The following CNTNAP2 variants were observed in gnomAD, a reference collection of about 807,000 sequenced individuals.
CNTNAP2 encodes the protein contactin associated protein 2.
CNTNAP2 carries 98 observed loss-of-function variants against 155.2 expected under a neutral mutation model. The observed-to-expected ratio is 0.63, with a 90% CI of 0.54 to 0.75. The LOEUF is 0.75. Among genes scored for constraint, CNTNAP2 ranks in the 30% least tolerant of loss-of-function variants. The probability of loss-of-function intolerance (pLI) is 0.00; values close to 1 mark genes in which losing one functional copy is unlikely to be tolerated. For missense variants in CNTNAP2, 1,727 were observed against 1,688.1 expected (o/e 1.02, Z -0.40); for synonymous variants, 651 against 631.2 (o/e 1.03, Z -0.47).
At chr7:148,362,216 AC>A (rs1323308005) in intron 21 of CNTNAP2, among the ~76,000 whole-genome samples, 1 of 150,058 alleles carries the variant, frequency 6.7e-6, no homozygotes, top group African/African-American at 2.4e-5. Context: ...AAAACAAAAA[AC>A]AAAACCCATC....
At chr7:147,191,731 G>A (rs1478444954) in intron 8 of CNTNAP2, among the ~76,000 whole-genome samples, 1 of 151,942 alleles carries the variant, frequency 6.6e-6, no homozygotes, top group Non-Finnish European at 1.5e-5. Flanking sequence ...TTTGCTTTTA[G>A]ATTTCTAATC....
chr7:147,693,875 C>G (rs568366797), intron 13 of CNTNAP2, among the ~76,000 whole-genome samples: 11 of 152,052 alleles, frequency 7.2e-5, no homozygotes, highest in African/African-American at 2.6e-4. Flanking sequence ...ACTTTCAGTA[C>G]AGTATTGAAA....
Position 147,132,301 on chromosome 7 carries a change from T to C in CNTNAP2, c.1140T>C (p.Ala380=), listed in dbSNP as rs141439475. 9 of 1,613,680 alleles carry C rather than the reference T, an allele frequency of 5.6e-6. No individual in the cohort carries two copies. The Admixed American group carries it at 1.5e-4, about 27-fold the overall frequency. Residue 380 remains alanine, a synonymous_variant, in exon 8 of 24, where the codon GCT becomes GCC. Coordinates refer to ENST00000361727, the MANE Select transcript of CNTNAP2 (RefSeq NM_014141.6). ...EPYTVPVFFN[A]TSYLEVPGRL... ...ATACGGTGCCTGTCTTTTTCAACGC[T>C]ACAAGTTACCTGGAGGTGCCCGGAC...
intron 1 of CNTNAP2, among the ~76,000 whole-genome samples, chr7:146,214,728 A>C (rs1042853735): frequency 1.3e-5 from 2 of 152,188 alleles, no homozygotes; most frequent in African/African-American, 4.8e-5. Context: ...GGATTGTTGT[A>C]AAGTTCAGAG....
At chr7:148,026,446 G>T (rs368408432) in intron 15 of CNTNAP2, among the ~76,000 whole-genome samples, 1 of 151,950 alleles carries the variant, frequency 6.6e-6, no homozygotes, top group Non-Finnish European at 1.5e-5. Context: ...ACAAGACCCC[G>T]TCTCAAAAAT....
chr7:146,416,452 G>A (rs1052442614), intron 1 of CNTNAP2, among the ~76,000 whole-genome samples: 4 of 152,052 alleles, frequency 2.6e-5, no homozygotes, highest in African/African-American at 9.7e-5. Flanking sequence ...GCAGACATGT[G>A]ATCAGCATGG....
chr7:147,257,648 T>A (rs1442253008), intron 8 of CNTNAP2, among the ~76,000 whole-genome samples: 1 of 152,246 alleles, frequency 6.6e-6, no homozygotes, highest in Non-Finnish European at 1.5e-5. Context: ...CAAGTACAAT[T>A]TATTTTTTAA....
chr7:147,718,207 G>C (rs951136036), intron 13 of CNTNAP2, among the ~76,000 whole-genome samples: 1 of 152,056 alleles, frequency 6.6e-6, no homozygotes, highest in Non-Finnish European at 1.5e-5. Context: ...ATGGAATGCT[G>C]CCTCAAATAC....
chr7:147,125,559 C>T (rs1801215570), intron 6 of CNTNAP2, among the ~76,000 whole-genome samples: 1 of 152,186 alleles, frequency 6.6e-6, no homozygotes, highest in African/African-American at 2.4e-5. Flanking sequence ...CTTCAGAGGA[C>T]ACCCACTGTG....
intron 3 of CNTNAP2, among the ~76,000 whole-genome samples, chr7:147,037,005 C>T (rs923865327): frequency 5.9e-5 from 9 of 152,020 alleles, no homozygotes; most frequent in Admixed American, 1.3e-4. Flanking sequence ...ATTCTTCTTT[C>T]CTTTTAGGAA....
At position 147,172,073 on chromosome 7, in the gene CNTNAP2, C is replaced by A. The variant is rs566069717; in HGVS notation, c.1348+39564C>A. Among the ~76,000 whole-genome samples, 45 of 152,264 alleles carry A rather than the reference C, an allele frequency of 3.0e-4. 1 individual carries two copies. The highest frequency in any genetic ancestry group is 1.0e-3 in the African/African-American group (42 of 41,538). On this transcript the variant is annotated intron_variant, in intron 8 of 23. Transcript: ENST00000361727. ...GATATGATCTTCACTAATACTGGTT[C>A]ATTGTAATTTCCACTTTTATTACCT...
At chr7:147,913,799 G>T (rs1800110065) in intron 14 of CNTNAP2, among the ~76,000 whole-genome samples, 1 of 152,176 alleles carries the variant, frequency 6.6e-6, no homozygotes, top group Non-Finnish European at 1.5e-5. Flanking sequence ...TGTCTCCAGA[G>T]ATGATGTGAG....
At chr7:147,943,841 A>G (rs1800772856) in intron 14 of CNTNAP2, among the ~76,000 whole-genome samples, 1 of 147,660 alleles carries the variant, frequency 6.8e-6, no homozygotes, top group Admixed American at 6.9e-5. Flanking sequence ...GAGTCTGCTT[A>G]CTCTTACAAG....
chr7:147,543,073 G>C (rs1799667605), intron 11 of CNTNAP2, among the ~76,000 whole-genome samples: 1 of 152,184 alleles, frequency 6.6e-6, no homozygotes, highest in Non-Finnish European at 1.5e-5. Flanking sequence ...GGGTCTCACA[G>C]CCTTCAGAGC....
chr7:146,430,480 C>A (rs879501582), intron 1 of CNTNAP2, among the ~76,000 whole-genome samples: 1 of 152,014 alleles, frequency 6.6e-6, no homozygotes, highest in East Asian at 1.9e-4. Context: ...CAGAAGTAGA[C>A]AGGATATGAA....
At chr7:146,427,510 C>T (rs1796110312) in intron 1 of CNTNAP2, among the ~76,000 whole-genome samples, 1 of 152,018 alleles carries the variant, frequency 6.6e-6, no homozygotes, top group African/African-American at 2.4e-5. Flanking sequence ...CATTAAGAAA[C>T]ATAAAAAGCA....
At chr7:147,072,958 T>C (rs899601827) in intron 4 of CNTNAP2, among the ~76,000 whole-genome samples, 8 of 149,032 alleles carry the variant, frequency 5.4e-5, no homozygotes, top group African/African-American at 1.7e-4. Flanking sequence ...GTTCACACCA[T>C]TCTCCTGCCT....
At chr7:148,371,674 C>T (rs980717923) in intron 21 of CNTNAP2, among the ~76,000 whole-genome samples, 8 of 152,144 alleles carry the variant, frequency 5.3e-5, no homozygotes, top group African/African-American at 1.9e-4. Context: ...GACAGGGATA[C>T]GTTCTGAGAA....
At chr7:148,044,205 A>ATTT (rs55884389) in intron 15 of CNTNAP2, among the ~76,000 whole-genome samples, 1 of 137,816 alleles carries the variant, frequency 7.3e-6, no homozygotes, top group Admixed American at 7.2e-5. Flanking sequence ...CTTAGGTTGT[A>ATTT]TTTTTTTTTT....
Sources: allele counts gnomAD v4.1 joint callset (sites outside exome capture counted in the v4.1 genomes callset), GRCh38; gene constraint gnomAD v4.1.1; transcripts MANE v1.5; gene names NCBI Gene and HGNC (gene_info 2026-07-23, HGNC 2026-07-21).